SYNE1: variants seen among roughly 807,000 people sequenced by gnomAD.
SYNE1 encodes the protein nesprin-1.
Under a neutral mutation model 1,111.0 loss-of-function variants are expected in SYNE1, and 616 were observed. The ratio of observed to expected loss-of-function variants is 0.55; its 90% CI spans 0.52 to 0.59. The LOEUF is 0.59. Among genes scored for constraint, SYNE1 ranks in the 20% least tolerant of loss-of-function variants. SYNE1 has a pLI of 0.00. For missense variants in SYNE1, 10,006 were observed against 10,417.0 expected (o/e 0.96, Z 1.72); for synonymous variants, 3,855 against 3,825.8 (o/e 1.01, Z -0.28).
At chr6:152,302,177 C>T (rs1189606835) in intron 91 of SYNE1, 114 bp from the exon 92 acceptor site, 2 of 1,431,528 alleles carry the variant, frequency 1.4e-6, no homozygotes, top group African/African-American at 2.8e-5. Flanking sequence ...CGCGCGGGCC[C>T]GGGAGGCAGG....
rs779239788 is a variant in SYNE1 at position 152,510,265 on chromosome 6, C to T, written c.509G>A (p.Arg170Gln). ...SSETPSPPSK[R>Q]KVTTKIQGNA... ...TCCTTGGATCTTGGTGGTCACCTTCCGTTTACTTGGTGGGCTGGGAGTCTC... is the reference window on the plus strand; with the variant it reads ...TCCTTGGATCTTGGTGGTCACCTTCTGTTTACTTGGTGGGCTGGGAGTCTC... Residue 170 changes from arginine to glutamine, a missense_variant, in exon 8 of 146, where the codon CGG becomes CAG. Physicochemically the swap from Arg to Gln is conservative, Grantham distance 43. This residue lies in a region of SYNE1 where 1,971 missense variants were observed against 2,084.1 expected (regional missense o/e 0.95). Coordinates refer to ENST00000367255, the MANE Select transcript of SYNE1 (RefSeq NM_182961.4). 3.9e-5 allele frequency: 63 copies of T among 1,613,470 alleles called. No individual in the cohort carries two copies. The highest frequency in any genetic ancestry group is 1.8e-4 in the South Asian group (16 of 91,036).
At chr6:152,267,917 A>G (rs2092855791) in intron 100 of SYNE1, 139 bp downstream of exon 100, 1 of 767,642 alleles carries the variant, frequency 1.3e-6, no homozygotes, top group Non-Finnish European at 2.2e-6. Flanking sequence ...ATGCAGGTAC[A>G]TTTACTACCC....
At position 152,523,044 on chromosome 6, in the gene SYNE1, CT is replaced by C. The variant is rs528449679; in HGVS notation, c.226-2503del. On this transcript the variant is annotated intron_variant, in intron 5 of 145. Coordinates refer to ENST00000367255, the MANE Select transcript of SYNE1 (RefSeq NM_182961.4). ...TGATAATTTCTTTTGCTTGCAGAAA[CT>C]TTTTAGTTTAATTAGGTCCATTTAT... Among the ~76,000 whole-genome samples the C allele has an allele frequency of 2.2e-3, 336 of 152,132 alleles. 1 individual carries two copies. Among genetic ancestry groups the C allele is most frequent in the South Asian group, 2.9e-3 (14 of 4,828 alleles).
At chr6:152,247,359 T>C (rs1435278606) in intron 105 of SYNE1, among the ~76,000 whole-genome samples, 2 of 152,166 alleles carry the variant, frequency 1.3e-5, no homozygotes, top group Non-Finnish European at 2.9e-5. Flanking sequence ...ATCTGTGACA[T>C]TCAGTTATAT....
At chr6:152,203,880 A>G (rs951918873) in intron 126 of SYNE1, among the ~76,000 whole-genome samples, 3 of 152,218 alleles carry the variant, frequency 2.0e-5, no homozygotes, top group Admixed American at 2.0e-4. Flanking sequence ...TATCAGGGAC[A>G]GAGTTGTTCA....
intron 75 of SYNE1, among the ~76,000 whole-genome samples, chr6:152,338,742 G>A (rs778233333): frequency 1.3e-5 from 2 of 152,132 alleles, no homozygotes; most frequent in African/African-American, 2.4e-5. Flanking sequence ...TGTGTGGGCC[G>A]GTACTGCTAG....
At chr6:152,288,911 G>C (rs2094454531) in intron 95 of SYNE1, among the ~76,000 whole-genome samples, 2 of 152,144 alleles carry the variant, frequency 1.3e-5, no homozygotes, top group Admixed American at 1.3e-4. Context: ...AAGATGAGTG[G>C]ACATTTTTGG....
At chr6:152,419,021 C>G (rs891883877) in intron 40 of SYNE1, among the ~76,000 whole-genome samples, 1 of 152,140 alleles carries the variant, frequency 6.6e-6, no homozygotes, top group Middle Eastern at 3.2e-3. Flanking sequence ...GACTCCCATA[C>G]AATATGCACA....
Position 152,218,286 on chromosome 6 carries a change from T to G in SYNE1, c.22162A>C (p.Thr7388Pro). The G allele has an allele frequency of 6.2e-7, 1 of 1,614,136 alleles. No homozygotes were observed. The highest frequency in any genetic ancestry group is 8.5e-7 in the Non-Finnish European group (1 of 1,180,006). ...QDPSHSSDLS[T>P]IQERMEELKG... ...AGTTCTTCCATCCTTTCCTGGATTG[T>G]GGAGAGGTCAGATGAGTGGCTAGGG... The change falls in exon 121 of 146, where the codon ACA becomes CCA. Residue 7388 changes from threonine to proline, a missense_variant. By Grantham distance (38) the Thr-to-Pro change is conservative. Coordinates refer to ENST00000367255, the MANE Select transcript of SYNE1 (RefSeq NM_182961.4).
chr6:152,372,115 T>C (rs2097201087), intron 59 of SYNE1, among the ~76,000 whole-genome samples: 1 of 152,172 alleles, frequency 6.6e-6, no homozygotes, highest in African/African-American at 2.4e-5. Flanking sequence ...AACCTTGTAA[T>C]CAATGCTAAA....
At chr6:152,480,679 C>G (rs925610494) in intron 14 of SYNE1, 9 of 445,168 alleles carry the variant, frequency 2.0e-5, no homozygotes, top group Admixed American at 1.7e-4. Context: ...AGTAGAAGTT[C>G]CTACCTCAAT....
intron 82 of SYNE1, among the ~76,000 whole-genome samples, chr6:152,322,813 T>C (rs1397906968): frequency 6.6e-6 from 1 of 152,186 alleles, no homozygotes; most frequent in Non-Finnish European, 1.5e-5. Context: ...TCTGCTTCAA[T>C]TCCCCTTCTG....
chr6:152,247,594 G>T (rs1191072118), intron 105 of SYNE1, among the ~76,000 whole-genome samples: 1 of 151,352 alleles, frequency 6.6e-6, no homozygotes, highest in East Asian at 1.9e-4. Context: ...GCCGGATGCG[G>T]TGGCTCACAC....
chr6:152,360,474 G>A (rs1056513325), intron 64 of SYNE1, among the ~76,000 whole-genome samples: 2 of 152,114 alleles, frequency 1.3e-5, no homozygotes, highest in African/African-American at 4.8e-5. Context: ...GGCCTTTCCT[G>A]TCCCTCTCCC....
intron 3 of SYNE1, among the ~76,000 whole-genome samples, chr6:152,589,039 T>C (rs186899444): frequency 4.6e-5 from 7 of 152,038 alleles, no homozygotes; most frequent in Admixed American, 4.6e-4. Flanking sequence ...AACCTCTACC[T>C]CCCTGGTTCA....
At chr6:152,527,372 T>A (rs1038403551) in intron 4 of SYNE1, among the ~76,000 whole-genome samples, 1 of 152,208 alleles carries the variant, frequency 6.6e-6, no homozygotes, top group Non-Finnish European at 1.5e-5. Flanking sequence ...TGCTGTGAAA[T>A]ACATGTTCAA....
intron 131 of SYNE1, among the ~76,000 whole-genome samples, chr6:152,161,151 G>A (rs1177064065): frequency 6.9e-6 from 1 of 145,520 alleles, no homozygotes; most frequent in Non-Finnish European, 1.5e-5. Context: ...ATGGAGAGGA[G>A]AAAATTAACA....
chr6:152,605,719 G>A (rs2099612924), intron 3 of SYNE1, among the ~76,000 whole-genome samples: 1 of 152,178 alleles, frequency 6.6e-6, no homozygotes, highest in Admixed American at 6.5e-5. Flanking sequence ...TTTCTGGGCA[G>A]AAAGGCTCTT....
rs1343573616 is a variant in SYNE1 at position 152,325,150 on chromosome 6, A to T, written c.15591T>A (p.Ala5197=). 1 of 1,614,232 alleles carries T rather than the reference A, an allele frequency of 6.2e-7. No individual in the cohort carries two copies. The highest frequency in any genetic ancestry group is 1.1e-5 in the South Asian group (1 of 91,084). Residue 5197 remains alanine (A), a synonymous_variant, in exon 81 of 146, where the codon GCT becomes GCA. Transcript: ENST00000367255. ...TVWQRWTRLR[A]VAQDQEKILE... ...GGATCTTCTCCTGGTCCTGGGCCAC[A>T]GCTCGAAGGCGTGTCCAGCGCTGCC...
Sources: gnomAD v4.1 joint callset for allele counts (sites outside exome capture counted in the v4.1 genomes callset) on GRCh38, gnomAD v4.1.1 for gene constraint, gnomAD v4.1.1 regional missense constraint, MANE v1.5 for transcripts, NCBI Gene and HGNC (gene_info 2026-07-23, HGNC 2026-07-21) for gene names.